Variants in PKNOX2 observed in about 807,000 individuals in gnomAD.
The protein encoded by PKNOX2 is PBX/knotted 1 homeobox 2.
In PKNOX2, 14 loss-of-function variants were observed where a neutral mutation model predicts 53.1. The ratio of observed to expected loss-of-function variants is 0.26; its 90% confidence interval spans 0.17 to 0.41. PKNOX2 has a LOEUF of 0.41. Ranked by LOEUF, PKNOX2 falls within the 10% of genes least tolerant of loss-of-function variation. PKNOX2 has a pLI of 1.00. For missense variants in PKNOX2, 496 were observed against 602.8 expected (o/e 0.82, Z 1.85); for synonymous variants, 257 against 242.8 (o/e 1.06, Z -0.54).
At chr11:125,387,375 T>C (rs990665089) in intron 6 of PKNOX2, among the ~76,000 whole-genome samples, 9 of 152,182 alleles carry the variant, frequency 5.9e-5, no homozygotes, top group African/African-American at 1.9e-4. Context: ...AAATAACTTA[T>C]ACCTTCTTAA....
chr11:125,262,628 C>T (rs1484800512), intron 2 of PKNOX2, among the ~76,000 whole-genome samples: 2 of 152,080 alleles, frequency 1.3e-5, no homozygotes, highest in Admixed American at 6.5e-5. Flanking sequence ...CCTCCCTGTC[C>T]TTTCTCTACC....
chr11:125,254,231 G>T (rs1944227809), intron 2 of PKNOX2, among the ~76,000 whole-genome samples: 1 of 152,204 alleles, frequency 6.6e-6, no homozygotes, highest in Admixed American at 6.5e-5. Flanking sequence ...TATATTCCAA[G>T]TGTAAAAACT....
intron 4 of PKNOX2, among the ~76,000 whole-genome samples, chr11:125,358,258 G>A (rs189942802): frequency 3.9e-5 from 6 of 152,298 alleles, no homozygotes; most frequent in South Asian, 4.2e-4. Context: ...TTACACACAC[G>A]CACACACATA....
intron 5 of PKNOX2, among the ~76,000 whole-genome samples, chr11:125,380,570 C>T (rs991783364): frequency 3.3e-5 from 5 of 152,152 alleles, no homozygotes; most frequent in African/African-American, 1.2e-4. Context: ...CACTGGACAC[C>T]AAGTGTCCAC....
Position 125,165,820 on chromosome 11 carries a change from A to T in PKNOX2, c.-201+1044A>T, listed in dbSNP as rs1954826777. Among the ~76,000 whole-genome samples the T allele has an allele frequency of 6.6e-6, 1 of 152,204 alleles. No individual in the cohort carries two copies. Among genetic ancestry groups the T allele is most frequent in the Non-Finnish European group, 1.5e-5 (1 of 68,018 alleles). On this transcript the variant is annotated intron_variant, in intron 1 of 12. Transcript: ENST00000298282. This position sits in a 1 kb window ranked among gnomAD's most constrained non-coding sequence, Gnocchi z 4.5. ...AAAGAGGGAACTGAAAGCGATCGAG[A>T]GCGGAGAGCTGAGGGGGATGGCGCA...
chr11:125,373,311 G>A (rs1378411228), intron 5 of PKNOX2, among the ~76,000 whole-genome samples: 2 of 152,164 alleles, frequency 1.3e-5, no homozygotes, highest in African/African-American at 4.8e-5. Context: ...TTAAACAGAG[G>A]AGCCAGCATA....
chr11:125,364,671 G>C (rs568128168), intron 4 of PKNOX2, among the ~76,000 whole-genome samples: 3 of 152,344 alleles, frequency 2.0e-5, no homozygotes, highest in Admixed American at 6.5e-5. Flanking sequence ...TATGGCAGAA[G>C]TACATTCCGG....
intron 1 of PKNOX2, among the ~76,000 whole-genome samples, chr11:125,197,918 G>C (rs1321397417): frequency 6.6e-6 from 1 of 152,166 alleles, no homozygotes; most frequent in Non-Finnish European, 1.5e-5. Flanking sequence ...TTGCAGATTA[G>C]AGACCCTAGG....
At position 125,348,096 on chromosome 11, in the gene PKNOX2, C is replaced by G. The variant is rs150601901; in HGVS notation, c.-22-3188C>G. The stretch of plus-strand genomic sequence containing the variant: ...AAAATGCAAAAAGGGCAGGCTTCCC[C>G]CAAAGGGCCAGGACCCCCGCTGTGG... On this transcript the variant is annotated intron_variant, in intron 3 of 12. Coordinates refer to ENST00000298282, the MANE Select transcript of PKNOX2 (RefSeq NM_001382323.2). 8.8e-3 allele frequency among the ~76,000 whole-genome samples: 1,338 copies of G among 152,302 alleles called. 14 individuals are homozygous for G. The highest frequency in any genetic ancestry group is 0.027 in the Middle Eastern group (8 of 294).
intron 4 of PKNOX2, among the ~76,000 whole-genome samples, chr11:125,361,389 G>C (rs1012777321): frequency 2.0e-5 from 3 of 152,120 alleles, no homozygotes; most frequent in Non-Finnish European, 4.4e-5. Context: ...TGGGAGGTAG[G>C]AAGCACCTCG....
chr11:125,261,539 T>C (rs771214563), intron 2 of PKNOX2, among the ~76,000 whole-genome samples: 13 of 152,240 alleles, frequency 8.5e-5, no homozygotes, highest in Non-Finnish European at 1.5e-4. Context: ...TGGAGACTTC[T>C]TCCACATGCT....
intron 1 of PKNOX2, among the ~76,000 whole-genome samples, chr11:125,191,678 C>T (rs1364801366): frequency 2.0e-5 from 3 of 151,834 alleles, no homozygotes; most frequent in Non-Finnish European, 4.4e-5. Flanking sequence ...GTTTTGGGTG[C>T]GGTGTGGAGT....
intron 7 of PKNOX2, among the ~76,000 whole-genome samples, chr11:125,400,745 C>T (rs1434242123): frequency 6.6e-6 from 1 of 152,222 alleles, no homozygotes; most frequent in Non-Finnish European, 1.5e-5. Flanking sequence ...ACTCCACTAA[C>T]TGGTGGAGCT....
At chr11:125,304,390 G>T in intron 2 of PKNOX2, among the ~76,000 whole-genome samples, 1 of 152,260 alleles carries the variant, frequency 6.6e-6, no homozygotes, top group East Asian at 1.9e-4. Flanking sequence ...CATGCAGTTT[G>T]GAGCTGGATG....
chr11:125,335,076 G>A (rs1388778482), intron 3 of PKNOX2, among the ~76,000 whole-genome samples: 2 of 152,116 alleles, frequency 1.3e-5, no homozygotes, highest in Non-Finnish European at 2.9e-5. Context: ...CTCCCCTTGA[G>A]CCCCAAAGCG....
chr11:125,328,868 A>G (rs1046195919), intron 2 of PKNOX2, among the ~76,000 whole-genome samples: 2 of 152,236 alleles, frequency 1.3e-5, no homozygotes, highest in Admixed American at 1.3e-4. Context: ...AAATAAGAGC[A>G]ACTACCTGGC....
chr11:125,431,666 T>G lies in PKNOX2; in HGVS notation c.*274T>G. 1 of 478,748 alleles carries G rather than the reference T, an allele frequency of 2.1e-6. No homozygotes were observed. The highest frequency in any genetic ancestry group is 3.8e-6 in the Non-Finnish European group (1 of 263,008). 29.7% of individuals were successfully genotyped at this position (478,748 alleles called of 1,614,324 possible). On this transcript the variant is annotated 3_prime_UTR_variant, in exon 13 of 13. Transcript: ENST00000298282. ...CCTGTGTGGAAAGACAGGAGTGAGA[T>G]CTGGACTCACCAAATCCCTGAGGAT...
intron 1 of PKNOX2, among the ~76,000 whole-genome samples, chr11:125,170,874 G>A (rs1200226516): frequency 2.6e-5 from 4 of 152,196 alleles, no homozygotes; most frequent in East Asian, 1.9e-4. Flanking sequence ...GGATAGGGCC[G>A]GGGTGGGTGG....
chr11:125,418,532 G>C (rs542923048), intron 10 of PKNOX2, among the ~76,000 whole-genome samples: 26 of 151,960 alleles, frequency 1.7e-4, no homozygotes, highest in African/African-American at 6.1e-4. Context: ...CAGAGCGGCT[G>C]TACCCCAGGA....
Sources: allele counts gnomAD v4.1 joint callset (sites outside exome capture counted in the v4.1 genomes callset), GRCh38; gene constraint gnomAD v4.1.1; non-coding constraint Gnocchi (gnomAD v3.1); transcripts MANE v1.5; gene names NCBI Gene and HGNC (gene_info 2026-07-23, HGNC 2026-07-21).